The following CHN1 variants were observed in gnomAD, a reference collection of about 807,000 sequenced individuals.
CHN1 encodes the protein chimerin 1.
A neutral mutation model predicts 59.5 loss-of-function variants in CHN1; 37 were observed. That is an observed-to-expected ratio of 0.62 (90% CI 0.48 to 0.82). The LOEUF is 0.82. CHN1 is among the 40% of genes least tolerant of loss of function. The probability of loss-of-function intolerance (pLI) is 0.00; values close to 1 mark genes in which losing one functional copy is unlikely to be tolerated. For synonymous variants in CHN1, 206 were observed against 200.4 expected (o/e 1.03, Z -0.24); for missense variants, 469 against 571.0 (o/e 0.82, Z 1.82).
At chr2:174,914,849 A>AAG (rs1200000368) in intron 5 of CHN1, among the ~76,000 whole-genome samples, 1 of 151,434 alleles carries the variant, frequency 6.6e-6, no homozygotes, top group Non-Finnish European at 1.5e-5. Context: ...ATTCAAAAAA[A>AAG]AAAAAAAAAA....
At chr2:175,002,159 A>G (rs1691911175) in intron 1 of CHN1, among the ~76,000 whole-genome samples, 1 of 152,214 alleles carries the variant, frequency 6.6e-6, no homozygotes, top group Non-Finnish European at 1.5e-5. Context: ...ATACATTTGG[A>G]TAATTTTTGA....
At chr2:174,879,926 G>A (rs1357476409) in intron 5 of CHN1, among the ~76,000 whole-genome samples, 3 of 152,264 alleles carry the variant, frequency 2.0e-5, no homozygotes, top group Middle Eastern at 3.4e-3. Flanking sequence ...GGGCATGAAG[G>A]GAAGATGGCT....
rs993316913 is a variant in CHN1, at chr2:174,799,663, C to T, written c.*453G>A. 5.6e-6 allele frequency: 3 copies of T among 532,870 alleles called. No homozygotes were observed. The highest frequency in any genetic ancestry group is 5.1e-4 in the Middle Eastern group (1 of 1,946). 33.0% of individuals were successfully genotyped at this position (532,870 alleles called of 1,614,324 possible). On this transcript the variant is annotated 3_prime_UTR_variant, in exon 13 of 13. Transcript: ENST00000409900. ...ATATGGTTTATGGTAATGTAACAGC[C>T]AGAGGTGCTGTTTTATCCATTTGTG...
chr2:174,888,264 G>A (rs1687947880), intron 5 of CHN1, among the ~76,000 whole-genome samples: 1 of 152,134 alleles, frequency 6.6e-6, no homozygotes, highest in African/African-American at 2.4e-5. Context: ...AGTCCTAGCA[G>A]GAAAGGTCAA....
rs1574053286 is a variant in CHN1, at chr2:174,820,127, A to C, written c.712+4307T>G. The stretch of plus-strand genomic sequence containing the variant: ...TATTGTGAATAGTGCCACAATAAAC[A>C]TACGTGTGCATGTGTCTTTATAGCA... On this transcript the variant is annotated intron_variant, in intron 8 of 12. Transcript: ENST00000409900. 2.6e-5 allele frequency among the ~76,000 whole-genome samples: 4 copies of C among 152,246 alleles called. No individual in the cohort carries two copies. In the South Asian group the frequency reaches 8.3e-4, roughly 32 times the overall value.
intron 3 of CHN1, among the ~76,000 whole-genome samples, chr2:174,941,767 C>T (rs143884359): frequency 7.2e-5 from 11 of 152,182 alleles, no homozygotes; most frequent in Admixed American, 5.9e-4. Flanking sequence ...AACAGGATCT[C>T]ACCATGTTGC....
intron 5 of CHN1, among the ~76,000 whole-genome samples, chr2:174,888,460 A>G (rs550250691): frequency 6.6e-6 from 1 of 152,332 alleles, no homozygotes; most frequent in South Asian, 2.1e-4. Flanking sequence ...CTGTTCTACT[A>G]TACTCAAGGA....
intron 6 of CHN1, among the ~76,000 whole-genome samples, chr2:174,874,626 A>G (rs145089177): frequency 6.6e-6 from 1 of 152,278 alleles, no homozygotes; most frequent in African/African-American, 2.4e-5. Context: ...TGCAACAAAA[A>G]AATAAAAACA....
At chr2:174,841,475 T>A (rs977515158) in intron 7 of CHN1, among the ~76,000 whole-genome samples, 1 of 152,172 alleles carries the variant, frequency 6.6e-6, no homozygotes, top group African/African-American at 2.4e-5. Context: ...TCTGACCAAT[T>A]TCCTAGTTTC....
chr2:174,926,581 C>A (rs1431884326), intron 3 of CHN1, among the ~76,000 whole-genome samples: 3 of 152,098 alleles, frequency 2.0e-5, no homozygotes, highest in Non-Finnish European at 2.9e-5. Flanking sequence ...CAACCCTGTG[C>A]CAACCTGAGA....
At chr2:174,928,504 C>A (rs905718023) in intron 3 of CHN1, among the ~76,000 whole-genome samples, 1 of 152,072 alleles carries the variant, frequency 6.6e-6, no homozygotes, top group East Asian at 1.9e-4. Flanking sequence ...GATGATATAA[C>A]CACTTCAAAA....
At chr2:174,816,196 C>G (rs1048239556) in intron 8 of CHN1, among the ~76,000 whole-genome samples, 1 of 152,170 alleles carries the variant, frequency 6.6e-6, no homozygotes, top group African/African-American at 2.4e-5. Context: ...TAGACTTGGG[C>G]TGAGAGGTTG....
intron 5 of CHN1, among the ~76,000 whole-genome samples, chr2:174,889,200 G>A (rs116312452): frequency 6.1e-3 from 930 of 152,080 alleles, no homozygotes; most frequent in Middle Eastern, 0.017. Context: ...GAGGCCCCTA[G>A]AATCTCTACA....
intron 2 of CHN1, 97 bp downstream of exon 2, chr2:174,952,067 A>G (rs990979000): frequency 1.3e-6 from 1 of 749,642 alleles, no homozygotes; most frequent in Non-Finnish European, 2.0e-6. Context: ...TTTTTCAACA[A>G]TGGGTACAAA....
At chr2:174,857,478 C>T (rs1006872414) in intron 6 of CHN1, among the ~76,000 whole-genome samples, 3 of 152,050 alleles carry the variant, frequency 2.0e-5, no homozygotes, top group African/African-American at 7.2e-5. Flanking sequence ...TGGTAACAAC[C>T]TATACTATAA....
chr2:174,986,495 CAG>C (rs1158597792), intron 1 of CHN1, among the ~76,000 whole-genome samples: 6 of 152,102 alleles, frequency 3.9e-5, no homozygotes. Context: ...GAAAACACCC[CAG>C]AGTCACAATG....
At chr2:174,958,746 T>A (rs538568132) in intron 1 of CHN1, among the ~76,000 whole-genome samples, 2 of 152,342 alleles carry the variant, frequency 1.3e-5, no homozygotes, top group African/African-American at 4.8e-5. Flanking sequence ...GGTTTGTTGT[T>A]GAGAATTAAA....
intron 5 of CHN1, among the ~76,000 whole-genome samples, chr2:174,884,628 T>C (rs1020401961): frequency 2.0e-5 from 3 of 152,206 alleles, no homozygotes; most frequent in African/African-American, 7.2e-5. Flanking sequence ...CTAGACAATG[T>C]GTGTGATTAT....
At chr2:174,921,320 C>T (rs969939994) in intron 3 of CHN1, among the ~76,000 whole-genome samples, 2 of 152,090 alleles carry the variant, frequency 1.3e-5, no homozygotes, top group African/African-American at 4.8e-5. Flanking sequence ...TGCATATTGG[C>T]GGTTGAACTG....
Sources: gnomAD v4.1 joint callset for allele counts (sites outside exome capture counted in the v4.1 genomes callset) on GRCh38, gnomAD v4.1.1 for gene constraint, MANE v1.5 for transcripts, NCBI Gene and HGNC (gene_info 2026-07-23, HGNC 2026-07-21) for gene names.